HELZ: variants seen among roughly 807,000 people sequenced by gnomAD.
HELZ encodes ATP-dependent RNA helicase with zinc finger domain.
Under a neutral mutation model 218.2 loss-of-function variants are expected in HELZ, and 23 were observed. The ratio of observed to expected loss-of-function variants is 0.11; its 90% confidence interval spans 0.08 to 0.15. The LOEUF is 0.15. Among genes scored for constraint, HELZ ranks in the 10% least tolerant of loss-of-function variants. HELZ has a pLI of 1.00. For missense variants in HELZ, 1,813 were observed against 2,353.7 expected, an observed-to-expected ratio of 0.77 and a Z score of 4.75; for synonymous variants, 814 against 829.4, an observed-to-expected ratio of 0.98 and a Z score of 0.32.
chr17:67,100,457 A>C (rs2036889967), intron 31 of HELZ, among the ~76,000 whole-genome samples: 1 of 152,158 alleles, frequency 6.6e-6, no homozygotes, highest in Admixed American at 6.5e-5. Context: ...ACAACACAAA[A>C]ATGAGCCATT....
intron 28 of HELZ, among the ~76,000 whole-genome samples, chr17:67,113,385 G>A (rs764751376): frequency 9.2e-5 from 14 of 152,028 alleles, no homozygotes; most frequent in Non-Finnish European, 2.1e-4. Flanking sequence ...TCAGCCTCCC[G>A]AGTAGCTGGG....
At chr17:67,235,217 C>T (rs2041144307) in intron 3 of HELZ, among the ~76,000 whole-genome samples, 1 of 151,870 alleles carries the variant, frequency 6.6e-6, no homozygotes, top group Non-Finnish European at 1.5e-5. Flanking sequence ...CACAAAGAGA[C>T]AACAGAAGGC....
chr17:67,212,595 G>C (rs2040487299), intron 5 of HELZ, among the ~76,000 whole-genome samples: 2 of 151,956 alleles, frequency 1.3e-5, no homozygotes, highest in South Asian at 4.1e-4. Flanking sequence ...TATAATCTTG[G>C]CCAATATTTC....
chr17:67,162,203 A>AC (rs1265014854), intron 15 of HELZ, among the ~76,000 whole-genome samples: 3 of 152,102 alleles, frequency 2.0e-5, no homozygotes, highest in African/African-American at 7.2e-5. Context: ...GTCATCTGAG[A>AC]CCAGCAGTTC....
intron 29 of HELZ, 77 bp downstream of exon 29, chr17:67,109,039 A>G: frequency 8.2e-7 from 1 of 1,214,902 alleles, no homozygotes; most frequent in Non-Finnish European, 1.2e-6. Flanking sequence ...TTCAATCTTA[A>G]CCCAAAATGA....
intron 6 of HELZ, among the ~76,000 whole-genome samples, chr17:67,202,972 A>C (rs546075402): frequency 1.3e-5 from 2 of 152,188 alleles, no homozygotes; most frequent in East Asian, 3.9e-4. Context: ...AAAAGTCAAA[A>C]ATTAGCAGGG....
intron 9 of HELZ, among the ~76,000 whole-genome samples, chr17:67,190,795 C>G (rs148152237): frequency 0.011 from 1,651 of 152,340 alleles, 20 homozygotes; most frequent in South Asian, 0.018. Context: ...ACTGCAACCT[C>G]TGCCTCCTGG....
intron 24 of HELZ, among the ~76,000 whole-genome samples, chr17:67,124,230 T>C (rs2037711692): frequency 1.3e-5 from 2 of 152,116 alleles, no homozygotes; most frequent in Admixed American, 6.5e-5. Context: ...GGGCCTCAAG[T>C]TTTCTCAGTT....
chr17:67,147,948 C>T (rs1031094871), intron 20 of HELZ, among the ~76,000 whole-genome samples: 3 of 152,244 alleles, frequency 2.0e-5, no homozygotes, highest in Admixed American at 6.5e-5. Flanking sequence ...CATACCATGC[C>T]CTAGGCACTC....
At position 67,108,997 on chromosome 17, in the gene HELZ, G is replaced by A. The variant is rs867304733; in HGVS notation, c.4489+119C>T. 4 of 823,402 alleles carry A rather than the reference G, an allele frequency of 4.9e-6. No homozygotes were observed. The African/African-American group carries it at 6.9e-5, about 14-fold the overall frequency. The allele number at this position is 823,402 out of a possible 1,614,324, so 51.0% of individuals were successfully genotyped here. A position where few individuals can be genotyped will look rare whatever the true frequency, so the allele number is the denominator to read the frequency against. ...AGTTTCTGATTATCACACTAAATGG[G>A]GGGGTTTTGCTAGCATTATTTGAAG... On this transcript the variant is annotated intron_variant, in intron 29 of 32. Transcript: ENST00000358691. The surrounding 1 kb of genome is among the most constrained non-coding windows in gnomAD (Gnocchi z 4.1).
chr17:67,140,901 G>A (rs1230040922), intron 21 of HELZ, among the ~76,000 whole-genome samples: 4 of 152,066 alleles, frequency 2.6e-5, no homozygotes, highest in African/African-American at 9.7e-5. Flanking sequence ...AACAATAGAG[G>A]CCAGAAAGCA....
intron 13 of HELZ, among the ~76,000 whole-genome samples, chr17:67,170,763 G>T (rs528751528): frequency 3.9e-4 from 59 of 151,278 alleles, no homozygotes; most frequent in Non-Finnish European, 5.9e-4. Flanking sequence ...GGAGGTAGAG[G>T]CTGCAATGAC....
chr17:67,184,703 C>A, intron 12 of HELZ, among the ~76,000 whole-genome samples: 1 of 152,056 alleles, frequency 6.6e-6, no homozygotes, highest in East Asian at 1.9e-4. Context: ...ATAGTCTCAA[C>A]TGCTTAGGAG....
At chr17:67,144,805 A>C (rs12450155) in intron 21 of HELZ, among the ~76,000 whole-genome samples, 76,924 of 151,850 alleles carry the variant, frequency 0.51, 20,238 homozygotes, top group East Asian at 0.88. Context: ...AAAACGATAA[A>C]GGAGACCCCT....
chr17:67,107,065 G>A (rs1006927298), intron 31 of HELZ, 104 bp downstream of exon 31: 4 of 1,049,364 alleles, frequency 3.8e-6, no homozygotes, highest in Admixed American at 4.7e-5. Flanking sequence ...TCTTTAATAC[G>A]CTGTTAAATT....
At chr17:67,207,478 C>T (rs1201798019) in intron 5 of HELZ, among the ~76,000 whole-genome samples, 1 of 151,944 alleles carries the variant, frequency 6.6e-6, no homozygotes, top group Non-Finnish European at 1.5e-5. Context: ...CCTCAGTCTC[C>T]CCAAGAGCTG....
intron 5 of HELZ, among the ~76,000 whole-genome samples, chr17:67,207,265 G>T (rs1312460440): frequency 7.5e-6 from 1 of 133,640 alleles, no homozygotes. Flanking sequence ...TTGTTGCCCA[G>T]GCTGGAGTGC....
In HELZ at chr17:67,194,061, A is replaced by G. The variant is rs1567880181; in HGVS notation, c.482-19T>C. ...CAAGACCCTAGGGAGTAATTAGGAT[A>G]TAGTCTTATCATTTGAGGCTAGCCA... On this transcript the variant is annotated intron_variant, in intron 8 of 32. Transcript: ENST00000358691. The G allele has an allele frequency of 6.4e-7, 1 of 1,568,478 alleles. No homozygotes were observed. Among genetic ancestry groups the G allele is most frequent in the Non-Finnish European group, 8.8e-7 (1 of 1,140,682 alleles).
chr17:67,074,972 A>G lies in HELZ; in HGVS notation c.*3280T>C, dbSNP rs977604984. On this transcript the variant is annotated 3_prime_UTR_variant, in exon 33 of 33. Coordinates refer to ENST00000358691, the MANE Select transcript of HELZ (RefSeq NM_014877.4). ...GAAAATTAAGGTCATGTTAGTTTAA[A>G]TGGTCAATAATTAACTACTGATTAA... is the stretch of plus-strand genomic sequence containing the variant. 6.6e-6 allele frequency: 1 copy of G among 152,174 alleles called. No homozygotes were observed. The highest frequency in any genetic ancestry group is 1.5e-5 in the Non-Finnish European group (1 of 68,002). 9.4% of individuals were successfully genotyped at this position (152,174 alleles called of 1,614,324 possible). A position where few individuals can be genotyped will look rare whatever the true frequency, so the allele number is the denominator to read the frequency against.
Sources: gnomAD v4.1 joint callset for allele counts (sites outside exome capture counted in the v4.1 genomes callset) on GRCh38, gnomAD v4.1.1 for gene constraint, Gnocchi (gnomAD v3.1) non-coding constraint, MANE v1.5 for transcripts, NCBI Gene and HGNC (gene_info 2026-07-23, HGNC 2026-07-21) for gene names.